MLPH: variants seen among roughly 807,000 people sequenced by gnomAD.
The protein encoded by MLPH is melanophilin.
MLPH carries 51 observed loss-of-function variants against 72.1 expected under a neutral mutation model. The ratio of observed to expected loss-of-function variants is 0.71; its 90% CI spans 0.56 to 0.89. The LOEUF is 0.89. MLPH is among the 40% of genes least tolerant of loss of function. The pLI is 0.00. For missense variants in MLPH, 743 were observed against 759.9 expected (o/e 0.98, Z 0.26); for synonymous variants, 301 against 310.1 (o/e 0.97, Z 0.31).
At chr2:237,528,675 GT>G (rs2106346819) in intron 8 of MLPH, among the ~76,000 whole-genome samples, 1 of 150,380 alleles carries the variant, frequency 6.6e-6, no homozygotes, top group African/African-American at 2.4e-5. Context: ...CATTTACAGT[GT>G]TGTGTAACCA....
chr2:237,517,451 A>G (rs867434609), intron 4 of MLPH, among the ~76,000 whole-genome samples: 2,890 of 150,350 alleles, frequency 0.019, no homozygotes, highest in African/African-American at 0.023. Flanking sequence ...GGATGGATGC[A>G]TGGATGGATG....
At chr2:237,508,036 G>A (rs1225686021) in intron 2 of MLPH, among the ~76,000 whole-genome samples, 3 of 152,190 alleles carry the variant, frequency 2.0e-5, no homozygotes, top group South Asian at 2.1e-4. Context: ...TGGACTGGGG[G>A]CCACGGTTCA....
At chr2:237,511,386 A>T (rs887955427) in intron 4 of MLPH, 32 of 415,714 alleles carry the variant, frequency 7.7e-5, no homozygotes, top group Admixed American at 6.1e-4. Context: ...TGCTGGGGTT[A>T]TAAGTGTGAG....
At chr2:237,518,211 G>C (rs2106318261) in intron 4 of MLPH, 1 of 426,008 alleles carries the variant, frequency 2.3e-6, no homozygotes, top group Non-Finnish European at 4.5e-6. Flanking sequence ...TGAATAGATG[G>C]GTGGAGGATA....
intron 4 of MLPH, 33 bp downstream of exon 4, chr2:237,511,134 T>C (rs572856336): frequency 1.3e-6 from 2 of 1,548,088 alleles, no homozygotes; most frequent in African/African-American, 1.4e-5. Flanking sequence ...GGCTTTTTGT[T>C]CCCAGGCATT....
rs1313056803 is a variant in MLPH, at chr2:237,525,825, G to A, written c.880+20G>A. 17 of 1,607,620 alleles carry A rather than the reference G, an allele frequency of 1.1e-5. No homozygotes were observed. Among genetic ancestry groups the A allele is most frequent in the Non-Finnish European group, 1.4e-5 (17 of 1,179,358 alleles). On this transcript the variant is annotated intron_variant, in intron 7 of 15. Transcript: ENST00000264605. Reference sequence around the variant, plus strand: ...CACTCGGTAGGTGCCCTTGGCCAGGGTCTTCCTGATGGGCTCGGCATGGGG... The same window carrying A: ...CACTCGGTAGGTGCCCTTGGCCAGGATCTTCCTGATGGGCTCGGCATGGGG...
At position 237,517,259 on chromosome 2, in the gene MLPH, G is replaced by A. The variant is rs936662549; in HGVS notation, c.446-1280G>A. On this transcript the variant is annotated intron_variant, in intron 4 of 15. Coordinates refer to ENST00000264605, the MANE Select transcript of MLPH (RefSeq NM_024101.7). ...GGTAGGCGGAGGGGTGGATGGGTAG[G>A]TGAATGAGTGGATAGATGGGTGGAT... Among the ~76,000 whole-genome samples, 13 of 149,600 alleles carry A rather than the reference G, an allele frequency of 8.7e-5. No individual in the cohort carries two copies. In the East Asian group the frequency reaches 1.7e-3, roughly 19 times the overall value.
At chr2:237,525,551 G>T in intron 6 of MLPH, 50 bp from the exon 7 acceptor site, 1 of 1,586,782 alleles carries the variant, frequency 6.3e-7, no homozygotes, top group Non-Finnish European at 8.7e-7. Flanking sequence ...CCAGGCAGCG[G>T]CCCCTCCTAG....
rs114566744 is a variant in MLPH, at chr2:237,505,949, C to T, written c.111-4625C>T. Among the ~76,000 whole-genome samples, 41 of 152,340 alleles carry T rather than the reference C, an allele frequency of 2.7e-4. No homozygotes were observed. The highest frequency in any genetic ancestry group is 5.1e-4 in the African/African-American group (21 of 41,564). On this transcript the variant is annotated intron_variant, in intron 2 of 15. Coordinates refer to ENST00000264605, the MANE Select transcript of MLPH (RefSeq NM_024101.7). The surrounding 1 kb of genome is among the most constrained non-coding windows in gnomAD (Gnocchi z 4.5). ...CTTCCCTTCCACCCCCATGCATCCCCGTCTCCAGGGCTCTGTCTCCCCTGG... is the reference window on the plus strand; with the variant it reads ...CTTCCCTTCCACCCCCATGCATCCCTGTCTCCAGGGCTCTGTCTCCCCTGG...
intron 1 of MLPH, among the ~76,000 whole-genome samples, chr2:237,491,393 G>C (rs6757376): frequency 0.39 from 58,751 of 152,140 alleles, 15,088 homozygotes; most frequent in African/African-American, 0.73. Context: ...TCCCCAAAGC[G>C]TCAGTGCCCA....
Position 237,505,258 on chromosome 2 carries a change from T to C in MLPH, c.111-5316T>C, listed in dbSNP as rs2079741345. ...TATGTGAAGGGTACTGGCCGGGCACTGAGATACGGATGGCACCCACCACTG... is the reference window on the plus strand; with the variant it reads ...TATGTGAAGGGTACTGGCCGGGCACCGAGATACGGATGGCACCCACCACTG... On this transcript the variant is annotated intron_variant, in intron 2 of 15. Coordinates refer to ENST00000264605, the MANE Select transcript of MLPH (RefSeq NM_024101.7). The surrounding 1 kb of genome is among the most constrained non-coding windows in gnomAD (Gnocchi z 4.5). 6.6e-6 allele frequency among the ~76,000 whole-genome samples: 1 copy of C among 152,118 alleles called. No individual in the cohort carries two copies. The highest frequency in any genetic ancestry group is 1.5e-5 in the Non-Finnish European group (1 of 68,016).
chr2:237,530,896 T>G (rs2080407207), intron 8 of MLPH, among the ~76,000 whole-genome samples: 1 of 152,174 alleles, frequency 6.6e-6, no homozygotes, highest in South Asian at 2.1e-4. Context: ...GCAGACCCAG[T>G]GCTGCAGCAG....
chr2:237,548,559 G>A (rs1356570048), intron 13 of MLPH, among the ~76,000 whole-genome samples: 3 of 152,152 alleles, frequency 2.0e-5, no homozygotes, highest in Admixed American at 2.0e-4. Context: ...GGAGGAGACC[G>A]AGGTTCAGAG....
In MLPH at chr2:237,554,280, G is replaced by A. The variant is rs188091215; in HGVS notation, c.*688G>A. 101 of 167,808 alleles carry A rather than the reference G, an allele frequency of 6.0e-4. No individual in the cohort carries two copies. Among genetic ancestry groups the A allele is most frequent in the Non-Finnish European group, 1.2e-3 (88 of 76,172 alleles). 10.4% of individuals were successfully genotyped at this position (167,808 alleles called of 1,614,324 possible). On this transcript the variant is annotated 3_prime_UTR_variant, in exon 16 of 16. Coordinates refer to ENST00000264605, the MANE Select transcript of MLPH (RefSeq NM_024101.7). ...GCTCAGATGCTAGTGCAGAGAGCCT[G>A]CTGGGAGACGAAGAGACAGCAGGCA...
intron 2 of MLPH, among the ~76,000 whole-genome samples, chr2:237,503,830 C>A (rs1456325691): frequency 2.0e-5 from 3 of 152,094 alleles, no homozygotes; most frequent in African/African-American, 4.8e-5. Context: ...ATAATCCCCC[C>A]CAAAAAGATG....
upstream of MLPH, chr2:237,486,517 G>C (rs2079321906): frequency 6.6e-6 from 1 of 152,288 alleles, no homozygotes; most frequent in South Asian, 2.1e-4. Flanking sequence ...CGGCCCTAGA[G>C]TCCAGGAGAA....
At chr2:237,523,320 A>G (rs2106332610) in intron 6 of MLPH, among the ~76,000 whole-genome samples, 1 of 152,344 alleles carries the variant, frequency 6.6e-6, no homozygotes, top group South Asian at 2.1e-4. Flanking sequence ...CTAAGGTAAC[A>G]GTAATTGGTA....
chr2:237,517,549 T>A (rs1254931643), intron 4 of MLPH, among the ~76,000 whole-genome samples: 1 of 143,950 alleles, frequency 6.9e-6, no homozygotes, highest in Admixed American at 6.9e-5. Flanking sequence ...ATGAATGCAT[T>A]GGTGAGTGGA....
rs2079735275 is a variant in MLPH at position 237,505,011 on chromosome 2, T to C, written c.111-5563T>C. 6.6e-6 allele frequency among the ~76,000 whole-genome samples: 1 copy of C among 152,174 alleles called. No homozygotes were observed. Among genetic ancestry groups the C allele is most frequent in the Non-Finnish European group, 1.5e-5 (1 of 68,022 alleles). On this transcript the variant is annotated intron_variant, in intron 2 of 15. Transcript: ENST00000264605. The surrounding 1 kb of genome is among the most constrained non-coding windows in gnomAD (Gnocchi z 4.5). ...ACTCTGCTCACTTACCGGGTCTCTGTTCCTGGCTCAGCTTCTCTTCCAGAG... is the reference window on the plus strand; with the variant it reads ...ACTCTGCTCACTTACCGGGTCTCTGCTCCTGGCTCAGCTTCTCTTCCAGAG...
Sources: gnomAD v4.1 joint callset for allele counts (sites outside exome capture counted in the v4.1 genomes callset) on GRCh38, gnomAD v4.1.1 for gene constraint, Gnocchi (gnomAD v3.1) non-coding constraint, MANE v1.5 for transcripts, NCBI Gene and HGNC (gene_info 2026-07-23, HGNC 2026-07-21) for gene names.